ZMYM2: variants seen among roughly 807,000 people sequenced by gnomAD.
ZMYM2 encodes the protein zinc finger MYM-type containing 2.
ZMYM2 carries 56 observed loss-of-function variants against 162.8 expected under a neutral mutation model. The observed-to-expected ratio is 0.34, with a 90% confidence interval of 0.28 to 0.43. ZMYM2 has a LOEUF of 0.43. ZMYM2 is among the 20% of genes least tolerant of loss of function. The pLI is 1.00. For missense variants in ZMYM2, 1,275 were observed against 1,621.8 expected (o/e 0.79, Z 3.67); for synonymous variants, 510 against 541.6 (o/e 0.94, Z 0.81).
the ZMYM2 span, among the ~76,000 whole-genome samples, chr13:19,946,607 G>C: frequency 6.6e-6 from 1 of 152,098 alleles, no homozygotes; most frequent in Non-Finnish European, 1.5e-5. Flanking sequence ...TTGGCTGTCT[G>C]GTCTAGTAGA....
intron 2 of ZMYM2, among the ~76,000 whole-genome samples, chr13:19,986,040 A>G (rs1339520793): frequency 6.6e-6 from 1 of 151,684 alleles, no homozygotes; most frequent in Non-Finnish European, 1.5e-5. Flanking sequence ...ATACAAAAAA[A>G]TCAGCCTGGC....
intron 2 of ZMYM2, among the ~76,000 whole-genome samples, chr13:19,977,231 G>C (rs1956873315): frequency 6.6e-6 from 1 of 151,942 alleles, no homozygotes; most frequent in Non-Finnish European, 1.5e-5. Flanking sequence ...TTGTTGCCTA[G>C]GTTGGTCTCA....
the ZMYM2 span, among the ~76,000 whole-genome samples, chr13:19,869,398 C>T: frequency 4.9e-3 from 741 of 152,060 alleles, 8 homozygotes; most frequent in African/African-American, 0.017. Context: ...GATATTCTGA[C>T]GTTCTTATAT....
the ZMYM2 span, among the ~76,000 whole-genome samples, chr13:19,871,706 A>C: frequency 6.6e-6 from 1 of 152,226 alleles, no homozygotes; most frequent in East Asian, 1.9e-4. Context: ...AATTTATACT[A>C]AATGTAAAAA....
chr13:20,005,501 C>T (rs1324282053), intron 5 of ZMYM2, among the ~76,000 whole-genome samples: 1 of 152,010 alleles, frequency 6.6e-6, no homozygotes, highest in Admixed American at 6.6e-5. Flanking sequence ...AGGTTGGGAA[C>T]ACTCACAGAC....
At chr13:19,864,478 T>A in the ZMYM2 span, 1 of 154,948 alleles carries the variant, frequency 6.5e-6, no homozygotes, top group South Asian at 2.0e-4. Flanking sequence ...GCAGTACTGG[T>A]CGGGCGCGAC....
At chr13:19,938,049 C>T in the ZMYM2 span, among the ~76,000 whole-genome samples, 7,939 of 152,080 alleles carry the variant, frequency 0.052, 239 homozygotes, top group Middle Eastern at 0.095. Flanking sequence ...TCCAGTCTAT[C>T]GTTGTTGGAC....
At chr13:20,078,300 A>G (rs1957657901) in intron 21 of ZMYM2, among the ~76,000 whole-genome samples, 1 of 143,112 alleles carries the variant, frequency 7.0e-6, no homozygotes, top group Non-Finnish European at 1.5e-5. Context: ...AACGTTTAAT[A>G]AAACAACTGA....
chr13:19,894,953 G>T, the ZMYM2 span, among the ~76,000 whole-genome samples: 1 of 150,878 alleles, frequency 6.6e-6, no homozygotes, highest in South Asian at 2.1e-4. Context: ...GCCAGGCATG[G>T]TCATGGGCGC....
chr13:20,005,620 T>C (rs1182529730), intron 5 of ZMYM2, among the ~76,000 whole-genome samples: 1 of 152,216 alleles, frequency 6.6e-6, no homozygotes, highest in Non-Finnish European at 1.5e-5. Context: ...GTAGAACGAT[T>C]GGAATATTTT....
intron 7 of ZMYM2, chr13:20,025,851 GGTAA>G (rs1258173023): frequency 5.3e-5 from 8 of 152,172 alleles, no homozygotes; most frequent in Non-Finnish European, 1.2e-4. Context: ...GTAACACAAT[GGTAA>G]GTATTTGTGT....
At chr13:19,949,344 G>C in the ZMYM2 span, among the ~76,000 whole-genome samples, 14 of 152,172 alleles carry the variant, frequency 9.2e-5, no homozygotes, top group African/African-American at 3.4e-4. Flanking sequence ...GACCTGGGAG[G>C]TGGAGGTTGC....
In ZMYM2 at chr13:20,086,795, ATAT is replaced by A. The variant is rs1958298049; in HGVS notation, c.*782_*784del. ...TGTATATATATATATATATATATAT[ATAT>A]AAATGATTGTAAGTTGAAAACAAGA... On this transcript the variant is annotated 3_prime_UTR_variant, in exon 25 of 25. Transcript: ENST00000610343. The A allele has an allele frequency of 6.6e-6, 1 of 151,306 alleles. No homozygotes were observed. Among genetic ancestry groups the A allele is most frequent in the African/African-American group, 2.4e-5 (1 of 40,874 alleles). The allele number at this position is 151,306 out of a possible 1,614,324, so 9.4% of individuals were successfully genotyped here. A position where few individuals can be genotyped will look rare whatever the true frequency, so the allele number is the denominator to read the frequency against.
intron 2 of ZMYM2, among the ~76,000 whole-genome samples, chr13:19,979,131 A>T (rs1381300170): frequency 6.6e-6 from 1 of 152,192 alleles, no homozygotes; most frequent in Non-Finnish European, 1.5e-5. Flanking sequence ...TAATCTAAAT[A>T]ATCTAATGAG....
At chr13:19,903,467 A>G in the ZMYM2 span, among the ~76,000 whole-genome samples, 127,284 of 135,976 alleles carry the variant, frequency 0.94, 60,284 homozygotes, top group East Asian at 1. Context: ...GTGAAACCCC[A>G]TCTCCACTAA....
At chr13:19,956,194 A>G (rs559359644), upstream of ZMYM2, among the ~76,000 whole-genome samples, 80 of 152,344 alleles carry the variant, frequency 5.3e-4, no homozygotes, top group Admixed American at 2.8e-3. Flanking sequence ...TTCTGTCTCT[A>G]CAGATTTGCC....
intron 19 of ZMYM2, among the ~76,000 whole-genome samples, chr13:20,065,404 G>A (rs1466682892): frequency 6.6e-6 from 1 of 152,022 alleles, no homozygotes; most frequent in African/African-American, 2.4e-5. Flanking sequence ...CAGTTTCTTA[G>A]GTAAGATACC....
At chr13:20,046,589 GTGTGTGTGTGTGTGTGTGTATATATA>G (rs1289927910) in intron 12 of ZMYM2, among the ~76,000 whole-genome samples, 2 of 23,828 alleles carry the variant, frequency 8.4e-5, no homozygotes, top group African/African-American at 1.2e-4. Context: ...ATATGTGTGT[GTGTGTGTGTGTGTGTGTGTATATATA>G]TGTGTATATA....
chr13:19,885,921 A>ATATGTGTATACACACATGTATGTGTG, the ZMYM2 span, among the ~76,000 whole-genome samples: 3 of 45,846 alleles, frequency 6.5e-5, 1 homozygote, highest in Non-Finnish European at 1.6e-4. Flanking sequence ...ATATACACAT[A>ATATGTGTATACACACATGTATGTGTG]TATATGTGTA....
Sources: gnomAD v4.1 joint callset for allele counts (sites outside exome capture counted in the v4.1 genomes callset) on GRCh38, gnomAD v4.1.1 for gene constraint, MANE v1.5 for transcripts, NCBI Gene and HGNC (gene_info 2026-07-23, HGNC 2026-07-21) for gene names.